CAMTA1: variants seen among roughly 807,000 people sequenced by gnomAD.
The protein encoded by CAMTA1 is calmodulin-binding transcription activator 1.
Under a neutral mutation model 170.9 loss-of-function variants are expected in CAMTA1, and 27 were observed. That is an observed-to-expected ratio of 0.16 (90% CI 0.12 to 0.22). The LOEUF (loss-of-function observed/expected upper bound fraction) is 0.22. Among genes scored for constraint, CAMTA1 ranks in the 10% least tolerant of loss-of-function variants. The pLI, the probability that CAMTA1 is intolerant of heterozygous loss-of-function variation, is 1.00. For synonymous variants in CAMTA1, 833 were observed against 891.5 expected (o/e 0.93, Z 1.17); for missense variants, 1,619 against 2,217.2 (o/e 0.73, Z 5.42).
rs553259659 is a variant in CAMTA1, at chr1:7,680,811, G to GC, written c.2914+3078_2914+3079insC. Among the ~76,000 whole-genome samples, 3,675 of 111,852 alleles carry GC rather than the reference G, an allele frequency of 0.033. 76 individuals carry two copies. Among genetic ancestry groups the GC allele is most frequent in the South Asian group, 0.051 (163 of 3,168 alleles). The allele number at this position is 111,852 out of a possible 152,430, so 73.4% of individuals were successfully genotyped here. The stretch of plus-strand genomic sequence containing the variant: ...AATTTGTTTGCTTGGCTAAAGGCCG[G>GC]GGGGGGGCGTGGGTCCGGGGCGCAG... On this transcript the variant is annotated intron_variant, in intron 11 of 22. Transcript: ENST00000303635. The surrounding 1 kb of genome is among the most constrained non-coding windows in gnomAD (Gnocchi z 4.4).
intron 6 of CAMTA1, among the ~76,000 whole-genome samples, chr1:7,563,524 G>A (rs1481877466): frequency 6.6e-6 from 1 of 152,206 alleles, no homozygotes; most frequent in African/African-American, 2.4e-5. Flanking sequence ...CATGTGGAGT[G>A]GGCCCAGCTG....
At chr1:7,643,299 A>ATGG (rs774011770) in intron 7 of CAMTA1, among the ~76,000 whole-genome samples, 2 of 152,172 alleles carry the variant, frequency 1.3e-5, no homozygotes, top group African/African-American at 2.4e-5. Context: ...CCCCATCCAT[A>ATGG]TGGCCGGGGA....
At chr1:7,745,115 A>G (rs1252223988) in intron 17 of CAMTA1, 93 bp downstream of exon 17, 1 of 1,183,790 alleles carries the variant, frequency 8.4e-7, no homozygotes, top group African/African-American at 1.5e-5. Context: ...ATGCCGTGTC[A>G]TAGAAGACCA....
chr1:6,880,326 C>T (rs1197948855), intron 3 of CAMTA1, among the ~76,000 whole-genome samples: 1 of 149,122 alleles, frequency 6.7e-6, no homozygotes, highest in East Asian at 2.0e-4. Context: ...CCTCCTGTCT[C>T]AACCTCCCAA....
chr1:7,200,909 C>G (rs531982172), intron 4 of CAMTA1, among the ~76,000 whole-genome samples: 1 of 152,168 alleles, frequency 6.6e-6, no homozygotes, highest in African/African-American at 2.4e-5. Context: ...ATGTAATTCA[C>G]GTGCTGTACA....
chr1:6,954,615 G>A (rs910256363), intron 3 of CAMTA1, among the ~76,000 whole-genome samples: 2 of 152,188 alleles, frequency 1.3e-5, no homozygotes, highest in African/African-American at 4.8e-5. Context: ...CCAATGAGAT[G>A]ATAAAAGACT....
In CAMTA1 at chr1:7,642,166, A is replaced by C. The variant is rs2095767247; in HGVS notation, c.664+1613A>C. Among the ~76,000 whole-genome samples, 1 of 151,648 alleles carries C rather than the reference A, an allele frequency of 6.6e-6. No homozygotes were observed. Among genetic ancestry groups the C allele is most frequent in the Admixed American group, 6.6e-5 (1 of 15,230 alleles). On this transcript the variant is annotated intron_variant, in intron 7 of 22. Transcript: ENST00000303635. This position sits in a 1 kb window ranked among gnomAD's most constrained non-coding sequence, Gnocchi z 6.3. ...TGGCCTCCTCGAGCCCCCACGGGGG[A>C]GATGTCAGCTTCCCGCGCTTCATCA...
chr1:6,871,966 T>TG, intron 3 of CAMTA1: 1 of 1,247,804 alleles, frequency 8.0e-7, no homozygotes, highest in Non-Finnish European at 1.0e-6. Context: ...GTGATAAATT[T>TG]GCAAAATGCT....
At chr1:7,388,888 G>A (rs1216851639) in intron 5 of CAMTA1, among the ~76,000 whole-genome samples, 1 of 152,226 alleles carries the variant, frequency 6.6e-6, no homozygotes, top group African/African-American at 2.4e-5. Flanking sequence ...GCCAGGGTGT[G>A]CCCAGTGCAT....
chr1:7,336,319 C>T lies in CAMTA1; in HGVS notation c.438+86693C>T, dbSNP rs140508830. Among the ~76,000 whole-genome samples the T allele has an allele frequency of 1.7e-3, 265 of 152,370 alleles. 6 individuals are homozygous for T. In the East Asian group the frequency reaches 0.034, roughly 20 times the overall value. On this transcript the variant is annotated intron_variant, in intron 5 of 22. Transcript: ENST00000303635. ...CCTGGGCTATTCAGTTGGGCCATCT[C>T]TGCAGCCCAGAGCTGCCTGGTAGGG... is the stretch of plus-strand genomic sequence containing the variant.
chr1:7,075,545 C>T (rs983909994), intron 3 of CAMTA1, among the ~76,000 whole-genome samples: 1 of 152,172 alleles, frequency 6.6e-6, no homozygotes, highest in Non-Finnish European at 1.5e-5. Context: ...TCGCTCCCTT[C>T]CCGGCCCTGT....
rs1234610846 is a variant in CAMTA1, at chr1:6,965,089, G to A, written c.235-126215G>A. On this transcript the variant is annotated intron_variant, in intron 3 of 22. Coordinates refer to ENST00000303635, the MANE Select transcript of CAMTA1 (RefSeq NM_015215.4). The surrounding 1 kb of genome is among the most constrained non-coding windows in gnomAD (Gnocchi z 4.1). Reference sequence around the variant, plus strand: ...ACCCTCTCTTACTTGGGTGCATGGTGCTGGCAAGGAAGAAGCAGGGCCAGC... The same window carrying A: ...ACCCTCTCTTACTTGGGTGCATGGTACTGGCAAGGAAGAAGCAGGGCCAGC... Among the ~76,000 whole-genome samples, 1 of 152,204 alleles carries A rather than the reference G, an allele frequency of 6.6e-6. No individual in the cohort carries two copies. Among genetic ancestry groups the A allele is most frequent in the African/African-American group, 2.4e-5 (1 of 41,430 alleles).
At chr1:6,991,190 T>C (rs1309076215) in intron 3 of CAMTA1, among the ~76,000 whole-genome samples, 1 of 152,194 alleles carries the variant, frequency 6.6e-6, no homozygotes, top group Non-Finnish European at 1.5e-5. Flanking sequence ...TGAATAAAAC[T>C]GCTGTGAATA....
intron 5 of CAMTA1, among the ~76,000 whole-genome samples, chr1:7,348,270 C>T (rs2084374726): frequency 6.6e-6 from 1 of 152,222 alleles, no homozygotes; most frequent in Non-Finnish European, 1.5e-5. Context: ...GCCTTGGTCT[C>T]GACGACTTCT....
chr1:7,655,889 T>C (rs61154708), intron 7 of CAMTA1, among the ~76,000 whole-genome samples: 8,464 of 152,288 alleles, frequency 0.056, 770 homozygotes, highest in African/African-American at 0.19. Context: ...GTGTGTTATT[T>C]AGCCTGCTGT....
At chr1:7,352,802 C>G (rs920779387) in intron 5 of CAMTA1, among the ~76,000 whole-genome samples, 9 of 152,216 alleles carry the variant, frequency 5.9e-5, no homozygotes, top group Admixed American at 3.9e-4. Context: ...CACCTCCTCC[C>G]TAGCTGGACC....
intron 6 of CAMTA1, among the ~76,000 whole-genome samples, chr1:7,521,409 T>A (rs1440968541): frequency 1.3e-5 from 2 of 152,214 alleles, no homozygotes; most frequent in African/African-American, 2.4e-5. Context: ...ACAGCCAGAA[T>A]GTTGATACAA....
intron 4 of CAMTA1, among the ~76,000 whole-genome samples, chr1:7,227,117 G>A (rs1661850095): frequency 6.6e-6 from 1 of 152,076 alleles, no homozygotes; most frequent in Non-Finnish European, 1.5e-5. Flanking sequence ...ACAGGCGTGA[G>A]CCACCACGCC....
rs527467424 is a variant in CAMTA1, at chr1:7,665,558, T to A, written c.2652+359T>A. 3.7e-4 allele frequency among the ~76,000 whole-genome samples: 56 copies of A among 151,754 alleles called. No individual in the cohort carries two copies. The highest frequency in any genetic ancestry group is 1.3e-3 in the African/African-American group (53 of 41,380). On this transcript the variant is annotated intron_variant, in intron 9 of 22. Transcript: ENST00000303635. This position sits in a 1 kb window ranked among gnomAD's most constrained non-coding sequence, Gnocchi z 4.3. ...GTGAGAACTGGTTTCAACAAAATAT[T>A]AAAAAAATAAGCCAGGTGTGGTGGG...
Sources: gnomAD v4.1 joint callset for allele counts (sites outside exome capture counted in the v4.1 genomes callset) on GRCh38, gnomAD v4.1.1 for gene constraint, Gnocchi (gnomAD v3.1) non-coding constraint, MANE v1.5 for transcripts, NCBI Gene and HGNC (gene_info 2026-07-23, HGNC 2026-07-21) for gene names.